DAB1: variants seen among roughly 807,000 people sequenced by gnomAD.
DAB1 encodes the protein DAB adaptor protein 1.
Under a neutral mutation model 64.6 loss-of-function variants are expected in DAB1, and 15 were observed. The ratio of observed to expected loss-of-function variants is 0.23; its 90% CI spans 0.16 to 0.36. DAB1 has a LOEUF of 0.36. Ranked by LOEUF, DAB1 falls within the 10% of genes least tolerant of loss-of-function variation. The pLI is 1.00. For missense variants in DAB1, 596 were observed against 706.7 expected, an observed-to-expected ratio of 0.84 and a Z score of 1.78; for synonymous variants, 235 against 251.9, an observed-to-expected ratio of 0.93 and a Z score of 0.64.
At chr1:58,406,136 G>C (rs1644613673) in intron 3 of DAB1, among the ~76,000 whole-genome samples, 1 of 152,130 alleles carries the variant, frequency 6.6e-6, no homozygotes, top group Non-Finnish European at 1.5e-5. Context: ...CAGCAAATCT[G>C]AGACCACCAG....
intron 9 of DAB1, among the ~76,000 whole-genome samples, chr1:57,045,297 C>A (rs1383588796): frequency 6.6e-6 from 1 of 152,186 alleles, no homozygotes; most frequent in Non-Finnish European, 1.5e-5. Context: ...AGGGCTATCC[C>A]TATAACAATG....
intron 1 of DAB1, among the ~76,000 whole-genome samples, chr1:57,342,492 A>G (rs375741556): frequency 4.9e-4 from 74 of 152,370 alleles, no homozygotes; most frequent in African/African-American, 1.8e-3. Context: ...GAAAAACAAA[A>G]AAATAAAAGC....
At chr1:58,307,771 T>G (rs1488361749) in intron 4 of DAB1, among the ~76,000 whole-genome samples, 73 of 119,956 alleles carry the variant, frequency 6.1e-4, no homozygotes, top group Admixed American at 1.3e-3. Context: ...CTGTGGGGAG[T>G]GGGGGTGGAG....
At chr1:58,511,595 C>T (rs982774550) in intron 2 of DAB1, among the ~76,000 whole-genome samples, 1 of 152,074 alleles carries the variant, frequency 6.6e-6, no homozygotes, top group African/African-American at 2.4e-5. Context: ...CATCACTGCA[C>T]TCTAGCCTGG....
chr1:57,635,838 G>A lies in DAB1; in HGVS notation n.625+13754C>T, dbSNP rs997456312. 2.6e-5 allele frequency among the ~76,000 whole-genome samples: 4 copies of A among 152,056 alleles called. No homozygotes were observed. The South Asian group carries it at 8.3e-4, about 32-fold the overall frequency. ...TGGCCAGGTGCGGTGGCTCACGCCT[G>A]TAATCCCAGCACCTTGGGAGGCCAA... On this transcript the variant is annotated intron_variant and non_coding_transcript_variant, in intron 7 of 20. Transcript: ENST00000485760.
chr1:57,143,601 T>C (rs777080727), intron 3 of DAB1, among the ~76,000 whole-genome samples: 1 of 152,146 alleles, frequency 6.6e-6, no homozygotes, highest in East Asian at 1.9e-4. Flanking sequence ...TATAAATGAA[T>C]ATCCAGTGTA....
intron 1 of DAB1, among the ~76,000 whole-genome samples, chr1:57,395,559 GTTAT>G (rs1353530479): frequency 6.6e-6 from 1 of 152,190 alleles, no homozygotes; most frequent in Non-Finnish European, 1.5e-5. Context: ...CTGCAAGGTA[GTTAT>G]TTATTATTCC....
At chr1:57,571,621 G>A (rs540963375) in intron 7 of DAB1, among the ~76,000 whole-genome samples, 2 of 152,322 alleles carry the variant, frequency 1.3e-5, no homozygotes, top group South Asian at 4.1e-4. Context: ...GGAAAAGAAT[G>A]TTGGGCTAGA....
chr1:57,009,259 C>G (rs1646190417), intron 14 of DAB1, among the ~76,000 whole-genome samples: 1 of 152,158 alleles, frequency 6.6e-6, no homozygotes. Context: ...AAGGAGTCTG[C>G]CTATAGTCCC....
intron 2 of DAB1, among the ~76,000 whole-genome samples, chr1:57,152,002 T>C (rs1659724414): frequency 6.6e-6 from 1 of 151,942 alleles, no homozygotes; most frequent in African/African-American, 2.4e-5. Context: ...TTGGTAGAGA[T>C]GAGGTTTCCC....
intron 5 of DAB1, among the ~76,000 whole-genome samples, chr1:58,067,024 C>T (rs1454324064): frequency 6.6e-6 from 1 of 152,214 alleles, no homozygotes; most frequent in Non-Finnish European, 1.5e-5. Flanking sequence ...TTCTCTTCAC[C>T]TGGAGTGTTT....
At chr1:57,952,324 A>C (rs1469099038) in intron 5 of DAB1, among the ~76,000 whole-genome samples, 1 of 152,156 alleles carries the variant, frequency 6.6e-6, no homozygotes, top group East Asian at 1.9e-4. Flanking sequence ...AAGCAATAGA[A>C]AGAAGAAACT....
intron 2 of DAB1, among the ~76,000 whole-genome samples, chr1:58,519,590 T>C (rs192600031): frequency 6.6e-5 from 10 of 152,102 alleles, no homozygotes; most frequent in Non-Finnish European, 1.3e-4. Context: ...AAAAAAAATA[T>C]ATCATTCAGA....
At chr1:57,004,268 A>G (rs1478638647) in intron 14 of DAB1, among the ~76,000 whole-genome samples, 3 of 152,330 alleles carry the variant, frequency 2.0e-5, no homozygotes, top group East Asian at 3.9e-4. Context: ...ATGGTTTCCT[A>G]TGTCACATTA....
At chr1:57,605,478 A>C (rs1644741881) in intron 7 of DAB1, among the ~76,000 whole-genome samples, 1 of 152,218 alleles carries the variant, frequency 6.6e-6, no homozygotes, top group Non-Finnish European at 1.5e-5. Context: ...TGTGCGACCC[A>C]TCCTTTACAG....
At chr1:57,286,456 G>C (rs1034815452) in intron 2 of DAB1, among the ~76,000 whole-genome samples, 35 of 152,144 alleles carry the variant, frequency 2.3e-4, no homozygotes, top group African/African-American at 8.4e-4. Flanking sequence ...TGTATGAAGA[G>C]TATGATGTCA....
At chr1:58,356,214 AC>A (rs1644109134) in intron 3 of DAB1, among the ~76,000 whole-genome samples, 1 of 152,202 alleles carries the variant, frequency 6.6e-6, no homozygotes, top group South Asian at 2.1e-4. Flanking sequence ...CTAGTTGCCA[AC>A]CCTGGGCAGC....
intron 3 of DAB1, among the ~76,000 whole-genome samples, chr1:58,445,458 T>C (rs706446): frequency 0.69 from 104,307 of 152,146 alleles, 36,298 homozygotes; most frequent in South Asian, 0.82. Context: ...GTCCCCACCC[T>C]GCCTAGCAGC....
In DAB1 at chr1:57,028,345, C is replaced by T. The variant is rs547974953; in HGVS notation, c.724-2302G>A. The stretch of plus-strand genomic sequence containing the variant: ...CCTTCCGCCATGATATTGAGGCCTC[C>T]CCAGCCATGTGGAATTGTGAGTCCA... On this transcript the variant is annotated intron_variant, in intron 9 of 14. Coordinates refer to ENST00000371236, the MANE Select transcript of DAB1 (RefSeq NM_001365792.1). 2.0e-5 allele frequency among the ~76,000 whole-genome samples: 3 copies of T among 152,262 alleles called. No individual in the cohort carries two copies. In the South Asian group the frequency reaches 6.2e-4, roughly 32 times the overall value.
Sources: allele counts gnomAD v4.1 joint callset (sites outside exome capture counted in the v4.1 genomes callset), GRCh38; gene constraint gnomAD v4.1.1; transcripts MANE v1.5; gene names NCBI Gene and HGNC (gene_info 2026-07-23, HGNC 2026-07-21).